RNF212: variants seen among roughly 807,000 people sequenced by gnomAD.
RNF212 encodes ring finger protein 212, also known as probable E3 SUMO-protein ligase RNF212.
Under a neutral mutation model 34.7 loss-of-function variants are expected in RNF212, and 33 were observed. That is an observed-to-expected ratio of 0.95 (90% CI 0.72 to 1.27). The LOEUF (loss-of-function observed/expected upper bound fraction) is 1.27. Ranked by LOEUF, RNF212 falls within the 50% of genes most tolerant of loss-of-function variation. RNF212 has a pLI of 0.00. For missense variants in RNF212, 377 were observed against 362.2 expected (o/e 1.04, Z -0.33); for synonymous variants, 140 against 136.1 (o/e 1.03, Z -0.20).
At chr4:1,070,521 C>T (rs1466173385), downstream of RNF212, among the ~76,000 whole-genome samples, 3 of 88,090 alleles carry the variant, frequency 3.4e-5, no homozygotes, top group Admixed American at 3.4e-4. Flanking sequence ...TTTTGTAGGG[C>T]TGTGCTGTGT....
intron 1 of RNF212, 108 bp from the exon 2 acceptor site, chr4:1,108,512 C>T: frequency 1.9e-6 from 1 of 529,870 alleles, no homozygotes; most frequent in Non-Finnish European, 3.2e-6. Context: ...GATTGTATCA[C>T]TTACAGGTTT....
chr4:1,059,885 G>A (rs1218662250), intron 3 of RNF212, among the ~76,000 whole-genome samples: 4 of 152,008 alleles, frequency 2.6e-5, no homozygotes, highest in South Asian at 2.1e-4. Flanking sequence ...ACCTGAGGTC[G>A]GGAGTTCAAG....
intron 3 of RNF212, chr4:1,093,290 T>C: frequency 6.4e-6 from 5 of 785,318 alleles, no homozygotes; most frequent in African/African-American, 1.8e-5. Context: ...ATTTACCCTA[T>C]TAGAAATTAA....
chr4:1,081,493 A>G (rs1278958532), intron 6 of RNF212, 26 bp from the exon 7 acceptor site: 2 of 1,612,990 alleles, frequency 1.2e-6, no homozygotes, highest in South Asian at 2.2e-5. Context: ...CGAAAATGCC[A>G]GCGTCAGTGC....
chr4:1,068,510 A>G (rs1465346578), downstream of RNF212, among the ~76,000 whole-genome samples: 1 of 152,200 alleles, frequency 6.6e-6, no homozygotes, highest in Non-Finnish European at 1.5e-5. Context: ...CTTTGTGCTT[A>G]TTATCCTCTA....
intron 3 of RNF212, among the ~76,000 whole-genome samples, chr4:1,060,773 G>T (rs28498761): frequency 6.6e-6 from 1 of 152,176 alleles, no homozygotes; most frequent in East Asian, 1.9e-4. Context: ...AAGAGTGAGC[G>T]CCCTGCGCCC....
chr4:1,064,749 C>T (rs1054648338), intron 3 of RNF212, among the ~76,000 whole-genome samples: 7 of 152,196 alleles, frequency 4.6e-5, no homozygotes, highest in Admixed American at 3.3e-4. Context: ...ATCTCTATAA[C>T]TGTTTTCATT....
At chr4:1,078,863 A>G (rs1205385752) in intron 8 of RNF212, among the ~76,000 whole-genome samples, 5 of 151,942 alleles carry the variant, frequency 3.3e-5, no homozygotes, top group Non-Finnish European at 7.4e-5. Flanking sequence ...ACATAGGACC[A>G]ACACAGGGTC....
At chr4:1,094,890 CAATAA>C (rs951500249) in intron 3 of RNF212, among the ~76,000 whole-genome samples, 19 of 152,172 alleles carry the variant, frequency 1.2e-4, no homozygotes, top group African/African-American at 4.1e-4. Context: ...AAAGCAAAAA[CAATAA>C]AACAGACCAA....
At chr4:1,107,806 G>A (rs1725059148) in intron 2 of RNF212, among the ~76,000 whole-genome samples, 2 of 152,152 alleles carry the variant, frequency 1.3e-5, no homozygotes, top group South Asian at 4.1e-4. Context: ...GTGTAACTTT[G>A]TATTATGTTT....
intron 2 of RNF212, among the ~76,000 whole-genome samples, chr4:1,103,545 A>C (rs4974561): frequency 0.82 from 124,052 of 152,172 alleles, 52,193 homozygotes; most frequent in East Asian, 1. Flanking sequence ...GCTACCTTGT[A>C]TCACTACAAA....
intron 3 of RNF212, chr4:1,093,988 G>T: frequency 6.5e-7 from 1 of 1,535,770 alleles, no homozygotes; most frequent in Non-Finnish European, 8.7e-7. Flanking sequence ...ACTTGAGACG[G>T]CAACAGCCTC....
chr4:1,068,070 A>C (rs1216893062), downstream of RNF212, among the ~76,000 whole-genome samples: 4 of 152,182 alleles, frequency 2.6e-5, no homozygotes, highest in Admixed American at 6.5e-5. Flanking sequence ...TTCAATCAAT[A>C]TCAAAATCCT....
intron 8 of RNF212, among the ~76,000 whole-genome samples, chr4:1,075,288 A>G (rs1577653919): frequency 6.6e-6 from 1 of 152,302 alleles, no homozygotes; most frequent in East Asian, 1.9e-4. Flanking sequence ...CCATTCTTGC[A>G]CTGCGATAAA....
chr4:1,081,220 C>T (rs929302792), intron 7 of RNF212, among the ~76,000 whole-genome samples, 199 bp downstream of exon 7: 6 of 152,166 alleles, frequency 3.9e-5, no homozygotes, highest in African/African-American at 1.4e-4. Flanking sequence ...CTCTGATTGG[C>T]CACCTGGATC....
intron 4 of RNF212, among the ~76,000 whole-genome samples, chr4:1,089,803 C>T (rs1277345978): frequency 6.6e-6 from 1 of 152,206 alleles, no homozygotes; most frequent in Non-Finnish European, 1.5e-5. Flanking sequence ...TGCCCTCTCT[C>T]CTGCTGTTAA....
intron 3 of RNF212, among the ~76,000 whole-genome samples, chr4:1,092,959 C>T (rs1027620330): frequency 5.5e-5 from 5 of 91,352 alleles, no homozygotes; most frequent in South Asian, 4.1e-4. Flanking sequence ...TGCCTGCATT[C>T]GTCCACATGA....
chr4:1,079,527 C>A, intron 8 of RNF212, 116 bp downstream of exon 8: 1 of 782,292 alleles, frequency 1.3e-6, no homozygotes, highest in Non-Finnish European at 2.3e-6. Context: ...GAAGCAGCAG[C>A]ACTGTGCAAA....
At chr4:1,085,721 T>C (rs939570860) in intron 5 of RNF212, 175 bp downstream of exon 5, 2 of 622,118 alleles carry the variant, frequency 3.2e-6, no homozygotes, top group Non-Finnish European at 5.7e-6. Flanking sequence ...GTCTCCCTTC[T>C]TCCCTTCGGT....
Sources: gnomAD v4.1 joint callset for allele counts (sites outside exome capture counted in the v4.1 genomes callset) on GRCh38, gnomAD v4.1.1 for gene constraint, MANE v1.5 for transcripts, NCBI Gene and HGNC (gene_info 2026-07-23, HGNC 2026-07-21) for gene names.